Variants in USP6NL observed in about 807,000 individuals in gnomAD.
USP6NL encodes the protein USP6 N-terminal-like protein.
USP6NL carries 26 observed loss-of-function variants against 61.9 expected under a neutral mutation model. The observed-to-expected ratio is 0.42, with a 90% CI of 0.31 to 0.58. The LOEUF is 0.58. Ranked by LOEUF, USP6NL falls within the 20% of genes least tolerant of loss-of-function variation. The pLI, the probability that USP6NL is intolerant of heterozygous loss-of-function variation, is 0.16. For synonymous variants in USP6NL, 432 were observed against 390.1 expected, an observed-to-expected ratio of 1.11 and a Z score of -1.27; for missense variants, 1,114 against 1,034.3, an observed-to-expected ratio of 1.08 and a Z score of -1.06.
chr10:11,598,289 T>C lies in USP6NL; in HGVS notation c.-83-572A>G, dbSNP rs998113530. Among the ~76,000 whole-genome samples the C allele has an allele frequency of 6.6e-6, 1 of 152,170 alleles. No homozygotes were observed. Among genetic ancestry groups the C allele is most frequent in the African/African-American group, 2.4e-5 (1 of 41,456 alleles). On this transcript the variant is annotated intron_variant, in intron 1 of 14. Transcript: ENST00000609104. This position sits in a 1 kb window ranked among gnomAD's most constrained non-coding sequence, Gnocchi z 4.7. ...TACCCTAACCCCTACATCTACCCAATCATTTGGGACATATTTCCTTTCAAG... is the reference window on the plus strand; with the variant it reads ...TACCCTAACCCCTACATCTACCCAACCATTTGGGACATATTTCCTTTCAAG...
At chr10:11,479,625 G>A (rs140649933) in intron 14 of USP6NL, among the ~76,000 whole-genome samples, 1 of 150,648 alleles carries the variant, frequency 6.6e-6, no homozygotes, top group East Asian at 1.9e-4. Context: ...GCCCAGGTTG[G>A]AGCGCAGTGA....
At chr10:11,583,689 T>G (rs1174681918) in intron 2 of USP6NL, among the ~76,000 whole-genome samples, 1 of 152,082 alleles carries the variant, frequency 6.6e-6, no homozygotes, top group African/African-American at 2.4e-5. Flanking sequence ...CTGGACCTAC[T>G]CTAGATTCCA....
chr10:11,608,394 T>G (rs1457795775), intron 1 of USP6NL, among the ~76,000 whole-genome samples: 1 of 152,196 alleles, frequency 6.6e-6, no homozygotes, highest in Non-Finnish European at 1.5e-5. Context: ...GCCAAGGGCC[T>G]TCTCCACATA....
intron 6 of USP6NL, among the ~76,000 whole-genome samples, chr10:11,504,614 A>C (rs1315583110): frequency 6.6e-6 from 1 of 152,244 alleles, no homozygotes; most frequent in Non-Finnish European, 1.5e-5. Context: ...GGTTGTCCTC[A>C]ACTCATAAAC....
rs959972355 is a variant in USP6NL at position 11,600,447 on chromosome 10, G to A, written c.-83-2730C>T. On this transcript the variant is annotated intron_variant, in intron 1 of 14. Coordinates refer to ENST00000609104, the MANE Select transcript of USP6NL (RefSeq NM_014688.5). The surrounding 1 kb of genome is among the most constrained non-coding windows in gnomAD (Gnocchi z 4.1). ...AACCCAGCCAAACTCAACAGAGAGC[G>A]CAGACCAGTGAGCTAGAAAGAAACG... 6.6e-5 allele frequency among the ~76,000 whole-genome samples: 10 copies of A among 152,162 alleles called. No homozygotes were observed. Among genetic ancestry groups the A allele is most frequent in the African/African-American group, 1.7e-4 (7 of 41,430 alleles).
intron 6 of USP6NL, among the ~76,000 whole-genome samples, chr10:11,505,878 G>A (rs573343351): frequency 2.6e-5 from 4 of 152,122 alleles, no homozygotes; most frequent in Non-Finnish European, 5.9e-5. Context: ...GCCTTTCACT[G>A]CCTCTCCATT....
rs529842218 is a variant in USP6NL, at chr10:11,608,879, C to T, written c.-84+2564G>A. Among the ~76,000 whole-genome samples the T allele has an allele frequency of 3.5e-4, 54 of 152,244 alleles. 1 individual carries two copies. In the South Asian group the frequency reaches 0.011, roughly 30 times the overall value. On this transcript the variant is annotated intron_variant, in intron 1 of 14. Transcript: ENST00000609104. Reference sequence around the variant, plus strand: ...ACCAGTTGAGAATCCAAGTCTCTGTCGCTCCAATTCCCATGCTTAAATCTC... The same window carrying T: ...ACCAGTTGAGAATCCAAGTCTCTGTTGCTCCAATTCCCATGCTTAAATCTC...
At position 11,487,891 on chromosome 10, in the gene USP6NL, T is replaced by C. The variant is rs1833538442; in HGVS notation, c.664+1211A>G. On this transcript the variant is annotated intron_variant, in intron 10 of 14. Coordinates refer to ENST00000609104, the MANE Select transcript of USP6NL (RefSeq NM_014688.5). This position sits in a 1 kb window ranked among gnomAD's most constrained non-coding sequence, Gnocchi z 4.2. ...AATGGGCTATAGAAAGTCATAATTTTGAAAATATTAAAACAGTACTTTAAA... is the reference window on the plus strand; with the variant it reads ...AATGGGCTATAGAAAGTCATAATTTCGAAAATATTAAAACAGTACTTTAAA... Among the ~76,000 whole-genome samples the C allele has an allele frequency of 6.6e-6, 1 of 152,186 alleles. No homozygotes were observed. The highest frequency in any genetic ancestry group is 1.5e-5 in the Non-Finnish European group (1 of 68,026).
chr10:11,463,297 C>T lies in USP6NL; in HGVS notation c.1631G>A (p.Arg544Gln), dbSNP rs1313958917. ...MKALDAEDGK[R>Q]GSTASQYDNV... The stretch of plus-strand genomic sequence containing the variant: ...GTCGTACTGCGATGCAGTGGAGCCC[C>T]GCTTCCCGTCCTCAGCATCCAGGGC... The change falls in exon 15 of 15, where the codon CGG becomes CAG. Residue 544 changes from arginine to glutamine, a missense_variant. By Grantham distance (43) the Arg-to-Gln change is conservative (BLOSUM62 1). Transcript: ENST00000609104. This position sits in a 1 kb window ranked among gnomAD's most constrained non-coding sequence, Gnocchi z 6.3. 2 of 1,613,736 alleles carry T rather than the reference C, an allele frequency of 1.2e-6. No individual in the cohort carries two copies. The highest frequency in any genetic ancestry group is 1.3e-5 in the African/African-American group (1 of 74,932).
Position 11,532,237 on chromosome 10 carries a change from T to C in USP6NL, c.5-4670A>G. On this transcript the variant is annotated intron_variant, in intron 2 of 14. Transcript: ENST00000609104. This position sits in a 1 kb window ranked among gnomAD's most constrained non-coding sequence, Gnocchi z 4.1. ...AACAACAGCTTCAGTCCTCATAGAG[T>C]AACTTATCTATTCCAAGATTTCATT... The C allele has an allele frequency of 1.9e-6, 3 of 1,597,206 alleles. No individual in the cohort carries two copies. The highest frequency in any genetic ancestry group is 2.6e-6 in the Non-Finnish European group (3 of 1,171,814).
Position 11,485,374 on chromosome 10 carries a change from C to T in USP6NL, c.760-140G>A. 1 of 656,470 alleles carries T rather than the reference C, an allele frequency of 1.5e-6. No individual in the cohort carries two copies. Among genetic ancestry groups the T allele is most frequent in the Non-Finnish European group, 2.5e-6 (1 of 396,902 alleles). 40.7% of individuals were successfully genotyped at this position (656,470 alleles called of 1,614,324 possible). The stretch of plus-strand genomic sequence containing the variant: ...TCAAAATCACTCCAAGAATAAATTC[C>T]TCTTAGGACTGTAATACAACAATTA... On this transcript the variant is annotated intron_variant, in intron 11 of 14. Coordinates refer to ENST00000609104, the MANE Select transcript of USP6NL (RefSeq NM_014688.5). This position sits in a 1 kb window ranked among gnomAD's most constrained non-coding sequence, Gnocchi z 4.8.
intron 2 of USP6NL, among the ~76,000 whole-genome samples, chr10:11,558,551 T>C (rs1836803280): frequency 6.6e-6 from 1 of 152,150 alleles, no homozygotes; most frequent in Non-Finnish European, 1.5e-5. Flanking sequence ...TGGTCCTCAT[T>C]TGTGGTTGCA....
intron 2 of USP6NL, among the ~76,000 whole-genome samples, chr10:11,560,101 T>C (rs1045621192): frequency 6.6e-6 from 1 of 152,164 alleles, no homozygotes; most frequent in African/African-American, 2.4e-5. Flanking sequence ...AAAAATAAAA[T>C]AATAAAGTCT....
At chr10:11,555,025 C>T (rs1392216407) in intron 2 of USP6NL, among the ~76,000 whole-genome samples, 1 of 143,480 alleles carries the variant, frequency 7.0e-6, no homozygotes, top group Non-Finnish European at 1.5e-5. Flanking sequence ...AGGATGGTCT[C>T]GATCTCCTGA....
intron 1 of USP6NL, among the ~76,000 whole-genome samples, chr10:11,601,483 G>A (rs532570403): frequency 6.6e-6 from 1 of 152,270 alleles, no homozygotes; most frequent in East Asian, 1.9e-4. Flanking sequence ...GAGAGGATGG[G>A]ATGGACATCA....
Position 11,598,461 on chromosome 10 carries a change from T to C in USP6NL, c.-83-744A>G, listed in dbSNP as rs958633965. The stretch of plus-strand genomic sequence containing the variant: ...TAACCCTTTGCTAAGATTTACTTTA[T>C]AAATCTTCCTTTCTTAATTACTGTA... On this transcript the variant is annotated intron_variant, in intron 1 of 14. Transcript: ENST00000609104. The surrounding 1 kb of genome is among the most constrained non-coding windows in gnomAD (Gnocchi z 4.7). Among the ~76,000 whole-genome samples, 20 of 152,208 alleles carry C rather than the reference T, an allele frequency of 1.3e-4. No homozygotes were observed. The highest frequency in any genetic ancestry group is 4.6e-4 in the African/African-American group (19 of 41,462).
chr10:11,608,633 G>A (rs1319788226), intron 1 of USP6NL, among the ~76,000 whole-genome samples: 2 of 152,080 alleles, frequency 1.3e-5, no homozygotes, highest in Non-Finnish European at 2.9e-5. Flanking sequence ...AGGTTCCCTA[G>A]GTATGGGTTT....
intron 7 of USP6NL, among the ~76,000 whole-genome samples, chr10:11,494,114 TTA>T (rs1833813593): frequency 6.6e-6 from 1 of 152,258 alleles, no homozygotes. Context: ...TTCTACCCTC[TTA>T]TTTAACTATT....
rs1588424450 is a variant in USP6NL at position 11,600,487 on chromosome 10, C to T, written c.-83-2770G>A. On this transcript the variant is annotated intron_variant, in intron 1 of 14. Transcript: ENST00000609104. This position sits in a 1 kb window ranked among gnomAD's most constrained non-coding sequence, Gnocchi z 4.1. ...AGAAAGAAACGTCTGGTGTTGTGCA[C>T]TGAAAGTTTGCAGTCGTTACACAGC... 6.6e-6 allele frequency among the ~76,000 whole-genome samples: 1 copy of T among 152,264 alleles called. No homozygotes were observed. Among genetic ancestry groups the T allele is most frequent in the East Asian group, 1.9e-4 (1 of 5,188 alleles).
Sources: gnomAD v4.1 joint callset for allele counts (sites outside exome capture counted in the v4.1 genomes callset) on GRCh38, gnomAD v4.1.1 for gene constraint, Gnocchi (gnomAD v3.1) non-coding constraint, MANE v1.5 for transcripts, NCBI Gene and HGNC (gene_info 2026-07-23, HGNC 2026-07-21) for gene names.